The following SUFU variants were observed in gnomAD, a reference collection of about 807,000 sequenced individuals.
The protein encoded by SUFU is SUFU negative regulator of hedgehog signaling.
A neutral mutation model predicts 58.9 loss-of-function variants in SUFU; 7 were observed. That is an observed-to-expected ratio of 0.12 (90% CI 0.07 to 0.22). SUFU has a LOEUF of 0.22. SUFU is among the 10% of genes least tolerant of loss of function. SUFU has a pLI of 1.00. For synonymous variants in SUFU, 232 were observed against 254.8 expected, an observed-to-expected ratio of 0.91 and a Z score of 0.85; for missense variants, 451 against 641.3, an observed-to-expected ratio of 0.70 and a Z score of 3.20.
At chr10:102,556,749 A>AGGGAGGG (rs1564679450) in intron 3 of SUFU, among the ~76,000 whole-genome samples, 1 of 59,762 alleles carries the variant, frequency 1.7e-5, no homozygotes, top group Admixed American at 2.3e-4. Context: ...AAAAAAAAAA[A>AGGGAGGG]AGGAAGGGAG....
chr10:102,563,328 G>C (rs1405444447), intron 3 of SUFU, among the ~76,000 whole-genome samples: 1 of 152,092 alleles, frequency 6.6e-6, no homozygotes, highest in Non-Finnish European at 1.5e-5. Context: ...GATTCCATAA[G>C]ATCACTAAAA....
In SUFU at chr10:102,614,941, C is replaced by T. The variant is rs77697746; in HGVS notation, c.1023-327C>T. ...CAGGCTTTATAGAATCAGACCTGCC[C>T]GAGACTGGATCTCAACTCTGCCCAC... On this transcript the variant is annotated intron_variant, in intron 8 of 11. Coordinates refer to ENST00000369902, the MANE Select transcript of SUFU (RefSeq NM_016169.4). Among the ~76,000 whole-genome samples, 802 of 152,020 alleles carry T rather than the reference C, an allele frequency of 5.3e-3. 5 individuals carry two copies. The highest frequency in any genetic ancestry group is 0.018 in the African/African-American group (764 of 41,414).
intron 3 of SUFU, among the ~76,000 whole-genome samples, chr10:102,578,529 G>A (rs2063238488): frequency 1.3e-5 from 2 of 151,980 alleles, no homozygotes; most frequent in African/African-American, 4.8e-5. Flanking sequence ...CCAACATGGT[G>A]AAACCCTGTC....
Position 102,561,384 on chromosome 10 carries a change from G to T in SUFU, c.454+11278G>T, listed in dbSNP as rs1207612444. Among the ~76,000 whole-genome samples, 4 of 151,998 alleles carry T rather than the reference G, an allele frequency of 2.6e-5. No homozygotes were observed. The South Asian group carries it at 8.3e-4, about 31-fold the overall frequency. ...GTGGTTGTTTTTGTTTGTGTGTTTT[G>T]TTTGAGACAGAGTCTCGCTCTGTCA... On this transcript the variant is annotated intron_variant, in intron 3 of 11. Transcript: ENST00000369902.
intron 2 of SUFU, among the ~76,000 whole-genome samples, chr10:102,534,998 C>T (rs901385998): frequency 1.3e-5 from 2 of 151,824 alleles, no homozygotes; most frequent in African/African-American, 4.8e-5. Context: ...CCCACCTCCA[C>T]CCCCTACCCC....
chr10:102,572,905 T>C, intron 3 of SUFU: 8 of 850,500 alleles, frequency 9.4e-6, no homozygotes, highest in South Asian at 9.2e-5. Context: ...CTATTTGATC[T>C]GGTGCTTGTT....
At chr10:102,603,802 G>A (rs2063537520) in intron 8 of SUFU, among the ~76,000 whole-genome samples, 1 of 152,174 alleles carries the variant, frequency 6.6e-6, no homozygotes, top group Admixed American at 6.5e-5. Context: ...TGATTGGGGT[G>A]ACTTTGCTCC....
chr10:102,579,141 T>G (rs1250183795), intron 3 of SUFU, among the ~76,000 whole-genome samples: 1 of 152,184 alleles, frequency 6.6e-6, no homozygotes, highest in Non-Finnish European at 1.5e-5. Context: ...GGGCATAGCA[T>G]ATATGGGTGA....
At chr10:102,587,037 T>C (rs1247614570) in intron 3 of SUFU, among the ~76,000 whole-genome samples, 1 of 152,252 alleles carries the variant, frequency 6.6e-6, no homozygotes, top group Non-Finnish European at 1.5e-5. Context: ...TGCCAGAATT[T>C]CTTTTTTATG....
In SUFU at chr10:102,532,119, T is replaced by C. The variant is rs142128162; in HGVS notation, c.318-17851T>C. Reference sequence around the variant, plus strand: ...CTGGGATTACAGGTGCATGCTACTATGCTCAGCTATTTTATTATTATTATT... The same window carrying C: ...CTGGGATTACAGGTGCATGCTACTACGCTCAGCTATTTTATTATTATTATT... On this transcript the variant is annotated intron_variant, in intron 2 of 11. Transcript: ENST00000369902. Among the ~76,000 whole-genome samples the C allele has an allele frequency of 4.3e-3, 660 of 152,264 alleles. 7 individuals are homozygous for C. Among genetic ancestry groups the C allele is most frequent in the African/African-American group, 0.015 (628 of 41,544 alleles).
chr10:102,553,025 G>A (rs2062934356), intron 3 of SUFU, among the ~76,000 whole-genome samples: 1 of 152,140 alleles, frequency 6.6e-6, no homozygotes, highest in Non-Finnish European at 1.5e-5. Flanking sequence ...ACTTATGGTC[G>A]TTATAATGTG....
rs543258331 is a variant in SUFU at position 102,555,147 on chromosome 10, G to T, written c.454+5041G>T. Among the ~76,000 whole-genome samples, 871 of 151,756 alleles carry T rather than the reference G, an allele frequency of 5.7e-3. 3 individuals are homozygous for T. Among genetic ancestry groups the T allele is most frequent in the African/African-American group, 0.015 (624 of 41,364 alleles). The stretch of plus-strand genomic sequence containing the variant: ...GCCGGACGTGGTGGTGGGCGCCTGT[G>T]GTCCCAGCTACTTGGGAGGCTGAGG... On this transcript the variant is annotated intron_variant, in intron 3 of 11. Coordinates refer to ENST00000369902, the MANE Select transcript of SUFU (RefSeq NM_016169.4).
intron 7 of SUFU, among the ~76,000 whole-genome samples, chr10:102,597,838 G>A (rs1026273423): frequency 3.9e-5 from 6 of 152,212 alleles, no homozygotes; most frequent in South Asian, 4.1e-4. Flanking sequence ...ACCGTGTTCC[G>A]GATGGGGTCT....
chr10:102,571,112 G>A (rs905716421), intron 3 of SUFU, among the ~76,000 whole-genome samples: 1 of 152,144 alleles, frequency 6.6e-6, no homozygotes, highest in Non-Finnish European at 1.5e-5. Flanking sequence ...TCGTATCAGA[G>A]AATAAAGCTA....
At chr10:102,593,905 C>T in intron 5 of SUFU, 88 bp from the exon 6 acceptor site, 1 of 1,513,866 alleles carries the variant, frequency 6.6e-7, no homozygotes, top group Non-Finnish European at 9.2e-7. Flanking sequence ...GTGTCCTAGG[C>T]CTGGGGCAGC....
intron 2 of SUFU, among the ~76,000 whole-genome samples, chr10:102,539,786 A>C (rs567846078): frequency 1.3e-5 from 2 of 152,236 alleles, no homozygotes; most frequent in South Asian, 2.1e-4. Flanking sequence ...GCACATCCAC[A>C]TATCTATATA....
chr10:102,560,224 T>C (rs751579439), intron 3 of SUFU, among the ~76,000 whole-genome samples: 19 of 152,160 alleles, frequency 1.2e-4, no homozygotes, highest in Non-Finnish European at 2.4e-4. Context: ...AGAGAAAACT[T>C]TGGTGTTCCT....
chr10:102,525,541 C>A (rs183310679), intron 2 of SUFU, among the ~76,000 whole-genome samples: 3 of 152,332 alleles, frequency 2.0e-5, no homozygotes, highest in Admixed American at 2.0e-4. Context: ...GTCGCCCAGG[C>A]TGGAGTGTAG....
chr10:102,572,895 C>G (rs1222173444), intron 3 of SUFU: 5 of 825,888 alleles, frequency 6.1e-6, no homozygotes, highest in Admixed American at 1.7e-5. Context: ...TCTTCACAGC[C>G]TATTTGATCT....
Sources: gnomAD v4.1 joint callset for allele counts (sites outside exome capture counted in the v4.1 genomes callset) on GRCh38, gnomAD v4.1.1 for gene constraint, MANE v1.5 for transcripts, NCBI Gene and HGNC (gene_info 2026-07-23, HGNC 2026-07-21) for gene names.